PRDM16: variants seen among roughly 807,000 people sequenced by gnomAD.
The protein encoded by PRDM16 is histone-lysine N-methyltransferase PRDM16.
Under a neutral mutation model 110.6 loss-of-function variants are expected in PRDM16, and 23 were observed. The observed-to-expected ratio is 0.21, with a 90% confidence interval of 0.15 to 0.29. PRDM16 has a LOEUF of 0.29. Ranked by LOEUF, PRDM16 falls within the 10% of genes least tolerant of loss-of-function variation. PRDM16 has a pLI of 1.00. For missense variants in PRDM16, 1,615 were observed against 1,794.3 expected, an observed-to-expected ratio of 0.90 and a Z score of 1.81; for synonymous variants, 799 against 781.8, an observed-to-expected ratio of 1.02 and a Z score of -0.37.
chr1:3,278,605 T>G (rs1375353328), intron 3 of PRDM16, among the ~76,000 whole-genome samples: 1 of 152,194 alleles, frequency 6.6e-6, no homozygotes, highest in Non-Finnish European at 1.5e-5. Flanking sequence ...CCCGGCACCC[T>G]GCTGCCCGGC....
At chr1:3,091,324 C>A (rs892261188) in intron 1 of PRDM16, among the ~76,000 whole-genome samples, 1 of 152,180 alleles carries the variant, frequency 6.6e-6, no homozygotes, top group African/African-American at 2.4e-5. Flanking sequence ...TGGGACGTTA[C>A]CAGCACTGGA....
At position 3,425,448 on chromosome 1, in the gene PRDM16, C is replaced by T. The variant is rs905034421; in HGVS notation, c.2940-133C>T. 37 of 963,842 alleles carry T rather than the reference C, an allele frequency of 3.8e-5. No homozygotes were observed. The African/African-American group carries it at 5.7e-4, about 15-fold the overall frequency. The allele number at this position is 963,842 out of a possible 1,614,324, so 59.7% of individuals were successfully genotyped here. ...CTGCAGCTGGGAGATCCAGCAACCT[C>T]CGGGACACGGCGGGGCAAAGCTGTG... is the stretch of plus-strand genomic sequence containing the variant. On this transcript the variant is annotated intron_variant, in intron 12 of 16. Transcript: ENST00000270722. This position sits in a 1 kb window ranked among gnomAD's most constrained non-coding sequence, Gnocchi z 6.9.
In PRDM16 at chr1:3,411,549, A is replaced by G; in HGVS notation, c.1352A>G (p.Tyr451Cys). 6.2e-7 allele frequency: 1 copy of G among 1,614,082 alleles called. No individual in the cohort carries two copies. The highest frequency in any genetic ancestry group is 8.5e-7 in the Non-Finnish European group (1 of 1,180,020). The change falls in exon 9 of 17, where the codon TAC (tyrosine) becomes TGC (cysteine). Residue 451 changes from tyrosine to cysteine, a missense_variant. Physicochemically the swap from Tyr to Cys is radical, Grantham distance 194. Transcript: ENST00000270722. ...CGCTTCTGCGAGGGCAAGAACCATT[A>G]CACGCCGGGCGGCATCTTTGCCCCG... ...HRRFCEGKNH[Y>C]TPGGIFAPGL...
intron 3 of PRDM16, among the ~76,000 whole-genome samples, chr1:3,276,766 G>A (rs1326606144): frequency 4.1e-5 from 3 of 73,692 alleles, no homozygotes; most frequent in African/African-American, 1.7e-4. Context: ...GGAGAACAGC[G>A]CCAGCCGCCT....
At chr1:3,259,200 AG>A (rs1206154329) in intron 3 of PRDM16, among the ~76,000 whole-genome samples, 1 of 152,106 alleles carries the variant, frequency 6.6e-6, no homozygotes, top group Admixed American at 6.5e-5. Flanking sequence ...GCCCAAGGGG[AG>A]GCTCGAGTCA....
intron 3 of PRDM16, among the ~76,000 whole-genome samples, chr1:3,323,635 G>A (rs870465): frequency 0.13 from 19,394 of 152,280 alleles, 1,602 homozygotes; most frequent in East Asian, 0.31. Flanking sequence ...AAACCCACGT[G>A]TGCAGTCATA....
At chr1:3,186,009 C>T (rs1644262561) in intron 1 of PRDM16, 116 bp from the exon 2 acceptor site, 1 of 859,784 alleles carries the variant, frequency 1.2e-6, no homozygotes, top group Non-Finnish European at 1.9e-6. Context: ...GCCGGGCCTT[C>T]TGGGCCCCTG....
intron 1 of PRDM16, among the ~76,000 whole-genome samples, chr1:3,122,960 G>A (rs532165339): frequency 1.3e-4 from 20 of 152,332 alleles, no homozygotes; most frequent in Non-Finnish European, 5.9e-5. Context: ...CTGGGGGACG[G>A]CTCAGGGGGT....
intron 3 of PRDM16, among the ~76,000 whole-genome samples, chr1:3,328,607 G>A (rs956621371): frequency 4.6e-4 from 70 of 152,250 alleles, no homozygotes; most frequent in African/African-American, 1.6e-3. Context: ...CCCATCAGAG[G>A]GTACAGCTGT....
intron 3 of PRDM16, among the ~76,000 whole-genome samples, chr1:3,372,293 C>T (rs183777344): frequency 5.9e-4 from 90 of 152,384 alleles, no homozygotes; most frequent in African/African-American, 1.7e-3. Flanking sequence ...CCCTGCTTCC[C>T]ATGGCTCCAG....
intron 2 of PRDM16, among the ~76,000 whole-genome samples, chr1:3,238,638 G>A (rs911637511): frequency 6.6e-6 from 1 of 152,230 alleles, no homozygotes; most frequent in Non-Finnish European, 1.5e-5. Context: ...CGCCTTTCAC[G>A]GTTCTTGCGG....
chr1:3,085,261 G>A (rs1202887234), intron 1 of PRDM16, among the ~76,000 whole-genome samples: 2 of 152,210 alleles, frequency 1.3e-5, no homozygotes, highest in Non-Finnish European at 2.9e-5. Flanking sequence ...GGGTCTCAGA[G>A]TTTCCTAGAG....
At position 3,300,539 on chromosome 1, in the gene PRDM16, T is replaced by A. The variant is rs1189880455; in HGVS notation, c.438+56402T>A. ...GTGGCCGTGATGTTTCCGATCCCAGTCATGGTTTTCCAGCCTCAGGAGCAC... is the reference window on the plus strand; with the variant it reads ...GTGGCCGTGATGTTTCCGATCCCAGACATGGTTTTCCAGCCTCAGGAGCAC... On this transcript the variant is annotated intron_variant, in intron 3 of 16. Coordinates refer to ENST00000270722, the MANE Select transcript of PRDM16 (RefSeq NM_022114.4). Among the ~76,000 whole-genome samples the A allele has an allele frequency of 3.3e-5, 5 of 152,324 alleles. No individual in the cohort carries two copies. In the South Asian group the frequency reaches 1.0e-3, roughly 32 times the overall value.
rs978781927 is a variant in PRDM16, at chr1:3,121,754, G to A, written c.37+52458G>A. On this transcript the variant is annotated intron_variant, in intron 1 of 16. Coordinates refer to ENST00000270722, the MANE Select transcript of PRDM16 (RefSeq NM_022114.4). Reference sequence around the variant, plus strand: ...CAGCGGCCCTCCACCTCGGCTGCGCGCTGCAGGCCCTTCTCTGCGGGGCCG... The same window carrying A: ...CAGCGGCCCTCCACCTCGGCTGCGCACTGCAGGCCCTTCTCTGCGGGGCCG... 6.6e-5 allele frequency among the ~76,000 whole-genome samples: 10 copies of A among 152,340 alleles called. No homozygotes were observed. The East Asian group carries it at 9.7e-4, about 15-fold the overall frequency.
At position 3,069,569 on chromosome 1, in the gene PRDM16, C is replaced by T. The variant is rs1009041637; in HGVS notation, c.37+273C>T. Among the ~76,000 whole-genome samples the T allele has an allele frequency of 1.3e-5, 2 of 148,410 alleles. No homozygotes were observed. Among genetic ancestry groups the T allele is most frequent in the Admixed American group, 1.3e-4 (2 of 15,032 alleles). ...TCCCCCCCCACCAGTGTCAGGCGCT[C>T]GGGCCCGGGAACCCGAGGCGCGCGG... On this transcript the variant is annotated intron_variant, in intron 1 of 16. Transcript: ENST00000270722. This position sits in a 1 kb window ranked among gnomAD's most constrained non-coding sequence, Gnocchi z 6.1.
At chr1:3,106,842 G>A (rs1642669576) in intron 1 of PRDM16, among the ~76,000 whole-genome samples, 1 of 152,182 alleles carries the variant, frequency 6.6e-6, no homozygotes, top group Admixed American at 6.5e-5. Flanking sequence ...AGGGCTGATA[G>A]TGCTGGCCCT....
chr1:3,158,113 A>T (rs1215005912), intron 1 of PRDM16, among the ~76,000 whole-genome samples: 2 of 152,196 alleles, frequency 1.3e-5, no homozygotes, highest in African/African-American at 4.8e-5. Context: ...TCTGGTGTGG[A>T]ATACCTGATA....
At chr1:3,318,303 C>G (rs16824138) in intron 3 of PRDM16, among the ~76,000 whole-genome samples, 1 of 152,086 alleles carries the variant, frequency 6.6e-6, no homozygotes, top group Non-Finnish European at 1.5e-5. Context: ...CAACTTGTGA[C>G]GATTCTTGAG....
chr1:3,387,526 C>T (rs1643220458), intron 4 of PRDM16, among the ~76,000 whole-genome samples: 2 of 152,220 alleles, frequency 1.3e-5, no homozygotes, highest in Admixed American at 1.3e-4. Flanking sequence ...GAGCCCTCTG[C>T]TCTTGAGAGC....
Sources: allele counts gnomAD v4.1 joint callset (sites outside exome capture counted in the v4.1 genomes callset), GRCh38; gene constraint gnomAD v4.1.1; non-coding constraint Gnocchi (gnomAD v3.1); transcripts MANE v1.5; gene names NCBI Gene and HGNC (gene_info 2026-07-23, HGNC 2026-07-21).